The following ATP8A1 variants were observed in gnomAD, a reference collection of about 807,000 sequenced individuals.
ATP8A1 encodes ATPase phospholipid transporting 8A1, also known as phospholipid-transporting ATPase IA.
In ATP8A1, 90 loss-of-function variants were observed where a neutral mutation model predicts 177.7. That is an observed-to-expected ratio of 0.51 (90% confidence interval 0.43 to 0.60). The LOEUF (loss-of-function observed/expected upper bound fraction) is 0.60. ATP8A1 is among the 20% of genes least tolerant of loss of function. ATP8A1 has a pLI of 0.00. For synonymous variants in ATP8A1, 493 were observed against 485.9 expected (o/e 1.01, Z -0.19); for missense variants, 1,072 against 1,392.8 (o/e 0.77, Z 3.67).
intron 1 of ATP8A1, among the ~76,000 whole-genome samples, chr4:42,638,514 T>C (rs1739616531): frequency 6.6e-6 from 1 of 152,238 alleles, no homozygotes; most frequent in East Asian, 1.9e-4. Context: ...CAGTCAATCT[T>C]GTTGGCAGCC....
Position 42,495,705 on chromosome 4 carries a change from T to G in ATP8A1, c.2151+7745A>C, listed in dbSNP as rs551491706. ...AGAACATAATGTTGAAAAACATATG[T>G]GTATAGAATCAAACCAATATAAAGT... On this transcript the variant is annotated intron_variant, in intron 24 of 36. Transcript: ENST00000381668. 6.6e-5 allele frequency among the ~76,000 whole-genome samples: 10 copies of G among 152,186 alleles called. No individual in the cohort carries two copies. The South Asian group carries it at 1.7e-3, about 25-fold the overall frequency.
At chr4:42,506,568 G>A (rs903861762) in intron 23 of ATP8A1, among the ~76,000 whole-genome samples, 1 of 152,162 alleles carries the variant, frequency 6.6e-6, no homozygotes, top group African/African-American at 2.4e-5. Flanking sequence ...CACAGAAGAG[G>A]AGCCACGTGA....
At chr4:42,497,030 G>A (rs965543872) in intron 24 of ATP8A1, among the ~76,000 whole-genome samples, 1 of 152,152 alleles carries the variant, frequency 6.6e-6, no homozygotes, top group South Asian at 2.1e-4. Context: ...GATAAGTGTT[G>A]GATGGAGAAT....
At chr4:42,615,709 C>CT (rs1430290811) in intron 5 of ATP8A1, among the ~76,000 whole-genome samples, 4 of 152,178 alleles carry the variant, frequency 2.6e-5, no homozygotes, top group Non-Finnish European at 5.9e-5. Flanking sequence ...AGAATAACAT[C>CT]TGTAGATTAC....
rs903383704 is a variant in ATP8A1, at chr4:42,441,942, A to C, written c.3123+1623T>G. On this transcript the variant is annotated intron_variant, in intron 33 of 36. Coordinates refer to ENST00000381668, the MANE Select transcript of ATP8A1 (RefSeq NM_006095.2). ...TGAACAGAAATGTGATGGAGTACTG[A>C]CATTCATTTCACTTTGAATTAAACA... is the stretch of plus-strand genomic sequence containing the variant. Among the ~76,000 whole-genome samples the C allele has an allele frequency of 2.0e-5, 3 of 152,216 alleles. No homozygotes were observed. The South Asian group carries it at 6.2e-4, about 32-fold the overall frequency.
chr4:42,520,235 C>A (rs1055349593), intron 22 of ATP8A1, among the ~76,000 whole-genome samples: 1 of 152,068 alleles, frequency 6.6e-6, no homozygotes. Context: ...TGTTTAGAAT[C>A]CATTTTCAAA....
intron 33 of ATP8A1, among the ~76,000 whole-genome samples, chr4:42,426,798 C>T (rs1577908800): frequency 1.3e-5 from 2 of 152,272 alleles, no homozygotes; most frequent in Admixed American, 6.5e-5. Flanking sequence ...ACAGCACACG[C>T]TTGTCTTATC....
chr4:42,549,197 A>G (rs1729235637), intron 18 of ATP8A1, 135 bp from the exon 19 acceptor site: 14 of 669,770 alleles, frequency 2.1e-5, no homozygotes, highest in Non-Finnish European at 3.6e-5. Context: ...TATGGAAGGG[A>G]GCTTACTAAC....
At chr4:42,587,117 C>T (rs1302577626) in intron 8 of ATP8A1, among the ~76,000 whole-genome samples, 1 of 152,086 alleles carries the variant, frequency 6.6e-6, no homozygotes, top group Admixed American at 6.5e-5. Context: ...GTTATTTTTG[C>T]TTGACACGAT....
At chr4:42,627,136 A>G (rs767811158) in intron 1 of ATP8A1, 27 bp from the exon 2 acceptor site, 2 of 1,561,918 alleles carry the variant, frequency 1.3e-6, no homozygotes, top group South Asian at 1.1e-5. Flanking sequence ...CTTATTGTAC[A>G]AGAAATGTTT....
intron 33 of ATP8A1, among the ~76,000 whole-genome samples, chr4:42,430,674 A>G (rs1209560235): frequency 6.6e-6 from 1 of 151,682 alleles, no homozygotes; most frequent in Admixed American, 6.6e-5. Context: ...GCTCCCCTCT[A>G]CGTGTCCATG....
intron 16 of ATP8A1, 82 bp downstream of exon 16, chr4:42,555,886 A>G (rs1730180944): frequency 1.1e-6 from 1 of 884,618 alleles, no homozygotes; most frequent in South Asian, 1.8e-5. Context: ...AAAGAGAAAC[A>G]TGTAAACATA....
At chr4:42,565,592 T>C (rs755783495) in intron 15 of ATP8A1, among the ~76,000 whole-genome samples, 8 of 152,244 alleles carry the variant, frequency 5.3e-5, no homozygotes, top group Admixed American at 3.3e-4. Context: ...TAGCATTTAC[T>C]TGAACGATTA....
chr4:42,552,354 T>C lies in ATP8A1; in HGVS notation c.1519+151A>G, dbSNP rs1426530452. The C allele has an allele frequency of 6.4e-6, 4 of 625,312 alleles. No individual in the cohort carries two copies. The African/African-American group carries it at 7.5e-5, about 12-fold the overall frequency. The allele number at this position is 625,312 out of a possible 1,614,324, so 38.7% of individuals were successfully genotyped here. A position where few individuals can be genotyped will look rare whatever the true frequency, so the allele number is the denominator to read the frequency against. On this transcript the variant is annotated intron_variant, in intron 17 of 36. Coordinates refer to ENST00000381668, the MANE Select transcript of ATP8A1 (RefSeq NM_006095.2). ...CACATTTTAAAATATCATGTACATA[T>C]TTAACCTTGAAAGCCAAGGTTTTTC... is the stretch of plus-strand genomic sequence containing the variant.
rs888931839 is a variant in ATP8A1, at chr4:42,581,847, T to G, written c.723-115A>C. On this transcript the variant is annotated intron_variant, in intron 9 of 36. Transcript: ENST00000381668. ...TAAAATAACCCTTCTCATATTTATTTCTGGAAAGTAATTTCCCCCCAGTAC... is the reference window on the plus strand; with the variant it reads ...TAAAATAACCCTTCTCATATTTATTGCTGGAAAGTAATTTCCCCCCAGTAC... The G allele has an allele frequency of 1.6e-5, 12 of 743,304 alleles. No homozygotes were observed. In the East Asian group the frequency reaches 3.2e-4, roughly 20 times the overall value. 46.0% of individuals were successfully genotyped at this position (743,304 alleles called of 1,614,324 possible).
intron 24 of ATP8A1, among the ~76,000 whole-genome samples, chr4:42,499,437 G>C (rs888860499): frequency 6.6e-6 from 1 of 152,136 alleles, no homozygotes; most frequent in Non-Finnish European, 1.5e-5. Flanking sequence ...ACATAAAAGA[G>C]ATGCCAGAAG....
At chr4:42,595,960 A>G (rs1445283536) in intron 6 of ATP8A1, among the ~76,000 whole-genome samples, 1 of 152,234 alleles carries the variant, frequency 6.6e-6, no homozygotes, top group African/African-American at 2.4e-5. Flanking sequence ...TAAATGCTGA[A>G]GTTCTTACTA....
In ATP8A1 at chr4:42,435,461, A is replaced by AAAAAAAACAAC. The variant is rs1553871738; in HGVS notation, c.3123+8103_3123+8104insGTTGTTTTTTT. Among the ~76,000 whole-genome samples the AAAAAAAACAAC allele has an allele frequency of 4.9e-5, 6 of 122,346 alleles. No homozygotes were observed. The East Asian group carries it at 7.6e-4, about 16-fold the overall frequency. 80.3% of individuals were successfully genotyped at this position (122,346 alleles called of 152,430 possible). A position where few individuals can be genotyped will look rare whatever the true frequency, so the allele number is the denominator to read the frequency against. On this transcript the variant is annotated intron_variant, in intron 33 of 36. Coordinates refer to ENST00000381668, the MANE Select transcript of ATP8A1 (RefSeq NM_006095.2). ...AAAAAAAAAAAAAACAAAAAAAAAAAAACAAACTATCTCCAGTTATGAGCT... is the reference window on the plus strand; with the variant it reads ...AAAAAAAAAAAAAACAAAAAAAAAAAAAAAAAACAACAACAAACTATCTCCAGTTATGAGCT...
At position 42,490,826 on chromosome 4, in the gene ATP8A1, T is replaced by C. The variant is rs556370541; in HGVS notation, c.2152-5158A>G. On this transcript the variant is annotated intron_variant, in intron 24 of 36. Coordinates refer to ENST00000381668, the MANE Select transcript of ATP8A1 (RefSeq NM_006095.2). ...CAGGTGACATCAATACCTCTATCTT[T>C]TGGATCCCTGAAATACTTCATTTAC... 9.2e-5 allele frequency among the ~76,000 whole-genome samples: 14 copies of C among 152,332 alleles called. No individual in the cohort carries two copies. The South Asian group carries it at 2.9e-3, about 32-fold the overall frequency.
Sources: allele counts gnomAD v4.1 joint callset (sites outside exome capture counted in the v4.1 genomes callset), GRCh38; gene constraint gnomAD v4.1.1; transcripts MANE v1.5; gene names NCBI Gene and HGNC (gene_info 2026-07-23, HGNC 2026-07-21).